ATP10B: variants seen among roughly 807,000 people sequenced by gnomAD.
ATP10B encodes ATPase phospholipid transporting 10B (putative).
A neutral mutation model predicts 141.2 loss-of-function variants in ATP10B; 122 were observed. The ratio of observed to expected loss-of-function variants is 0.86; its 90% CI spans 0.75 to 1.00. ATP10B has a LOEUF of 1.00. ATP10B is among the 50% of genes least tolerant of loss of function. The pLI, the probability that ATP10B is intolerant of heterozygous loss-of-function variation, is 0.00. For missense variants in ATP10B, 1,876 were observed against 1,825.3 expected (o/e 1.03, Z -0.51); for synonymous variants, 685 against 692.0 (o/e 0.99, Z 0.16).
intron 1 of ATP10B, among the ~76,000 whole-genome samples, chr5:160,791,597 T>G (rs1214285847): frequency 6.6e-6 from 1 of 152,190 alleles, no homozygotes; most frequent in East Asian, 1.9e-4. Context: ...TGCTTATTCT[T>G]CTGATCCAAA....
chr5:160,680,298 GA>G (rs35725565), intron 6 of ATP10B, among the ~76,000 whole-genome samples: 16,269 of 148,482 alleles, frequency 0.11, 986 homozygotes, highest in Middle Eastern at 0.13. Flanking sequence ...TTGCTTCCCA[GA>G]AAAAAAAAAA....
At chr5:160,837,036 G>A (rs985345694) in intron 1 of ATP10B, among the ~76,000 whole-genome samples, 1 of 151,940 alleles carries the variant, frequency 6.6e-6, no homozygotes, top group Non-Finnish European at 1.5e-5. Flanking sequence ...TTGGCTTCTA[G>A]GCATATACAT....
intron 3 of ATP10B, among the ~76,000 whole-genome samples, chr5:160,699,536 G>A (rs1022962726): frequency 5.3e-5 from 8 of 152,162 alleles, no homozygotes; most frequent in Non-Finnish European, 1.0e-4. Context: ...CTGAGGTGGG[G>A]GCAGGCATGG....
the ATP10B span, among the ~76,000 whole-genome samples, chr5:160,884,227 A>T: frequency 1.3e-4 from 20 of 152,124 alleles, no homozygotes; most frequent in Non-Finnish European, 2.8e-4. Flanking sequence ...AAGGGAGTAG[A>T]TTAGGTGGCT....
At chr5:160,823,013 TATATATATATATATATATATATAAA>T (rs1396315436) in intron 1 of ATP10B, among the ~76,000 whole-genome samples, 12 of 116,282 alleles carry the variant, frequency 1.0e-4, no homozygotes, top group Admixed American at 1.7e-4. Context: ...TATATATATA[TATATATATATATATATATATATAAA>T]ATAAAGAGTG....
At chr5:160,799,453 T>C (rs929639348) in intron 1 of ATP10B, among the ~76,000 whole-genome samples, 1 of 152,218 alleles carries the variant, frequency 6.6e-6, no homozygotes, top group Non-Finnish European at 1.5e-5. Flanking sequence ...TCCTCCTCCT[T>C]CTAGCCCTCT....
chr5:160,828,958 CA>C (rs879484750), intron 1 of ATP10B, among the ~76,000 whole-genome samples: 2 of 142,558 alleles, frequency 1.4e-5, no homozygotes, highest in Non-Finnish European at 3.1e-5. Flanking sequence ...AACGCAAGGA[CA>C]AAAAACCAAA....
At chr5:160,855,076 A>G (rs898744617), upstream of ATP10B, among the ~76,000 whole-genome samples, 3 of 152,108 alleles carry the variant, frequency 2.0e-5, no homozygotes. Flanking sequence ...GAATAGAAGT[A>G]TTTTTCTAGA....
intron 6 of ATP10B, among the ~76,000 whole-genome samples, chr5:160,680,054 G>A (rs1056823469): frequency 1.3e-5 from 2 of 152,150 alleles, no homozygotes; most frequent in African/African-American, 4.8e-5. Flanking sequence ...ATGCTCTAAC[G>A]GGATTGTAAT....
chr5:160,668,261 G>A (rs2127722388), intron 7 of ATP10B, among the ~76,000 whole-genome samples: 1 of 147,434 alleles, frequency 6.8e-6, no homozygotes, highest in East Asian at 2.0e-4. Context: ...GAATAGCATA[G>A]AAAGTCTCAG....
intron 1 of ATP10B, among the ~76,000 whole-genome samples, chr5:160,819,681 G>C (rs1773953108): frequency 6.6e-6 from 1 of 152,104 alleles, no homozygotes; most frequent in Admixed American, 6.6e-5. Flanking sequence ...AAAGCAGAGG[G>C]ATGGAGTTAA....
chr5:160,703,689 G>A lies in ATP10B; in HGVS notation c.-205+13220C>T, dbSNP rs144228990. ...CATGTTGGCCAGGTTGGTCTTGAAC[G>A]CCTGACCTCAGGTGATCCATCAGCC... On this transcript the variant is annotated intron_variant, in intron 3 of 25. Transcript: ENST00000327245. Among the ~76,000 whole-genome samples the A allele has an allele frequency of 3.3e-3, 502 of 152,098 alleles. 2 individuals carry two copies. Among genetic ancestry groups the A allele is most frequent in the African/African-American group, 0.011 (476 of 41,486 alleles).
chr5:160,884,140 T>C, the ATP10B span, among the ~76,000 whole-genome samples: 2 of 152,204 alleles, frequency 1.3e-5, no homozygotes, highest in African/African-American at 4.8e-5. Flanking sequence ...TCATTGGGAC[T>C]GTTACCCTCC....
intron 24 of ATP10B, among the ~76,000 whole-genome samples, chr5:160,577,717 C>T: frequency 6.6e-6 from 1 of 152,058 alleles, no homozygotes; most frequent in East Asian, 1.9e-4. Context: ...TTTGAAATTT[C>T]TAAGTTTGTT....
At chr5:160,597,537 T>G (rs1470633092) in intron 22 of ATP10B, among the ~76,000 whole-genome samples, 3 of 151,972 alleles carry the variant, frequency 2.0e-5, no homozygotes, top group African/African-American at 7.3e-5. Flanking sequence ...AAGCCAAAAT[T>G]GACAAATGGG....
At chr5:160,761,851 G>A (rs1392354339) in intron 2 of ATP10B, among the ~76,000 whole-genome samples, 1 of 151,914 alleles carries the variant, frequency 6.6e-6, no homozygotes, top group East Asian at 1.9e-4. Flanking sequence ...GGATATGGAT[G>A]GAAAAGTCTC....
chr5:160,643,098 A>G (rs1431632664), intron 9 of ATP10B, among the ~76,000 whole-genome samples: 1 of 152,224 alleles, frequency 6.6e-6, no homozygotes. Flanking sequence ...GATCTTCGAA[A>G]TAAGTCATCT....
At chr5:160,639,660 G>A (rs537652580) in intron 10 of ATP10B, among the ~76,000 whole-genome samples, 5 of 152,268 alleles carry the variant, frequency 3.3e-5, no homozygotes, top group Admixed American at 2.6e-4. Flanking sequence ...GCAGTGGTCT[G>A]CAACATTTTT....
At chr5:160,592,904 C>A (rs1228809045) in intron 22 of ATP10B, among the ~76,000 whole-genome samples, 2 of 152,224 alleles carry the variant, frequency 1.3e-5, no homozygotes, top group African/African-American at 4.8e-5. Flanking sequence ...GTAAATAAAG[C>A]AGCTGGGAAG....
Sources: gnomAD v4.1 joint callset for allele counts (sites outside exome capture counted in the v4.1 genomes callset) on GRCh38, gnomAD v4.1.1 for gene constraint, MANE v1.5 for transcripts, NCBI Gene and HGNC (gene_info 2026-07-23, HGNC 2026-07-21) for gene names.